Variants in ABCA13 observed in about 807,000 individuals in gnomAD.
The protein encoded by ABCA13 is ATP-binding cassette sub-family A member 13.
In ABCA13, 476 loss-of-function variants were observed where a neutral mutation model predicts 478.7. The ratio of observed to expected loss-of-function variants is 0.99; its 90% CI spans 0.92 to 1.07. The LOEUF (loss-of-function observed/expected upper bound fraction) is 1.07, where lower values mean the gene tolerates loss of function less well. ABCA13 is among the 50% of genes least tolerant of loss of function. ABCA13 has a pLI of 0.00. For synonymous variants in ABCA13, 2,252 were observed against 2,158.9 expected (o/e 1.04, Z -1.20); for missense variants, 6,060 against 5,910.6 (o/e 1.03, Z -0.83).
intron 55 of ABCA13, among the ~76,000 whole-genome samples, chr7:48,571,581 C>T (rs1032502614): frequency 2.0e-5 from 3 of 151,826 alleles, no homozygotes; most frequent in Admixed American, 6.6e-5. Context: ...TATTAACCTT[C>T]CTGGAGATTC....
At chr7:48,599,564 T>C (rs1167400146) in intron 58 of ABCA13, among the ~76,000 whole-genome samples, 1 of 152,138 alleles carries the variant, frequency 6.6e-6, no homozygotes, top group African/African-American at 2.4e-5. Flanking sequence ...GAAGTGCAAA[T>C]ATTTTAAATT....
At chr7:48,507,008 C>T (rs781216998) in intron 49 of ABCA13, among the ~76,000 whole-genome samples, 5 of 152,196 alleles carry the variant, frequency 3.3e-5, no homozygotes, top group Non-Finnish European at 5.9e-5. Context: ...AATTAAGTCG[C>T]AGAATGCAAA....
At chr7:48,637,465 T>C (rs907623468) in intron 59 of ABCA13, among the ~76,000 whole-genome samples, 1 of 146,924 alleles carries the variant, frequency 6.8e-6, no homozygotes, top group Non-Finnish European at 1.5e-5. Flanking sequence ...TCTTGGCCTC[T>C]CAAGGTGACT....
chr7:48,201,102 AG>A (rs1798634905), intron 3 of ABCA13, among the ~76,000 whole-genome samples: 1 of 152,220 alleles, frequency 6.6e-6, no homozygotes, highest in Non-Finnish European at 1.5e-5. Context: ...CTTTGTTCTT[AG>A]GGCAGATGGG....
Position 48,387,845 on chromosome 7 carries a change from T to C in ABCA13, c.11359T>C (p.Trp3787Arg), listed in dbSNP as rs1815422086. The change falls in exon 36 of 62, where the codon TGG becomes CGG. Residue 3787 changes from tryptophan (W) to arginine (R), a missense_variant. Physicochemically the swap from Trp to Arg is moderately radical, Grantham distance 101. This residue lies in a region of ABCA13 where 1,627 missense variants were observed against 1,571.0 expected (regional missense o/e 1.04). Coordinates refer to ENST00000435803, the MANE Select transcript of ABCA13 (RefSeq NM_152701.5). ...AGGAACATTTGGTTTACGGAAACCA[T>C]GGTATTTCCCCTTTACTGCCTCATA... ...IPGTFGLRKPWYFPFTASYWK... is the reference protein window; with the variant it reads ...IPGTFGLRKPRYFPFTASYWK... 1 of 1,592,862 alleles carries C rather than the reference T, an allele frequency of 6.3e-7. No individual in the cohort carries two copies. The highest frequency in any genetic ancestry group is 8.5e-7 in the Non-Finnish European group (1 of 1,173,730).
intron 55 of ABCA13, among the ~76,000 whole-genome samples, chr7:48,531,756 G>A (rs59872216): frequency 0.15 from 18,548 of 127,332 alleles, 1,600 homozygotes; most frequent in African/African-American, 0.23. Flanking sequence ...TTTTTTTTGC[G>A]GCTGTTGTAA....
Position 48,274,967 on chromosome 7 carries a change from A to G in ABCA13, c.5301A>G (p.Glu1767=), listed in dbSNP as rs1284367619. The change falls in exon 17 of 62, where the codon GAA becomes GAG. Residue 1767 remains glutamate, a synonymous_variant. Coordinates refer to ENST00000435803, the MANE Select transcript of ABCA13 (RefSeq NM_152701.5). ...LQGVPGKNIT[E]GLKDVYSFTL... is the part of the protein sequence containing the mutation. ...GAGTACCTGGTAAAAACATCACTGA[A>G]GGCCTCAAGGATGTCTACAGCTTCA... is the stretch of plus-strand genomic sequence containing the variant. 1 of 1,613,864 alleles carries G rather than the reference A, an allele frequency of 6.2e-7. No homozygotes were observed. The highest frequency in any genetic ancestry group is 1.7e-5 in the Admixed American group (1 of 60,010).
At chr7:48,193,103 A>G in intron 2 of ABCA13, 51 bp downstream of exon 2, 1 of 1,292,334 alleles carries the variant, frequency 7.7e-7, no homozygotes, top group Non-Finnish European at 1.1e-6. Context: ...GGAGAAAAAA[A>G]ACTCATAGCA....
intron 42 of ABCA13, among the ~76,000 whole-genome samples, chr7:48,438,730 G>A (rs550880726): frequency 1.3e-4 from 19 of 150,880 alleles, no homozygotes; most frequent in Non-Finnish European, 2.7e-4. Context: ...TCATTTTATC[G>A]CTCTCCTCTC....
At chr7:48,303,346 C>T (rs1800426976) in intron 23 of ABCA13, among the ~76,000 whole-genome samples, 2 of 152,112 alleles carry the variant, frequency 1.3e-5, no homozygotes, top group South Asian at 2.1e-4. Flanking sequence ...TTAATTAGGT[C>T]CCATTTTTCA....
At position 48,397,359 on chromosome 7, in the gene ABCA13, G is replaced by A. The variant is rs138559380; in HGVS notation, c.11873+5220G>A. On this transcript the variant is annotated intron_variant, in intron 38 of 61. Transcript: ENST00000435803. ...GCACAGCAAGTTCTGAACAAGATAA[G>A]CCAAATGAATGGTTTTTTTCTTACT... Among the ~76,000 whole-genome samples the A allele has an allele frequency of 9.2e-5, 14 of 151,960 alleles. No homozygotes were observed. The East Asian group carries it at 2.1e-3, about 23-fold the overall frequency.
intron 47 of ABCA13, among the ~76,000 whole-genome samples, chr7:48,483,491 C>T (rs1828986929): frequency 6.6e-6 from 1 of 152,204 alleles, no homozygotes; most frequent in Non-Finnish European, 1.5e-5. Context: ...AGGAGTACTT[C>T]CATTCATGAA....
chr7:48,385,264 GTTA>G (rs1399535886), intron 35 of ABCA13, among the ~76,000 whole-genome samples: 1 of 152,138 alleles, frequency 6.6e-6, no homozygotes, highest in African/African-American at 2.4e-5. Context: ...GTACCCATCA[GTTA>G]TTTTTTCTGA....
chr7:48,594,411 C>A (rs1232374998), intron 57 of ABCA13, among the ~76,000 whole-genome samples: 4 of 150,472 alleles, frequency 2.7e-5, no homozygotes, highest in African/African-American at 9.8e-5. Flanking sequence ...CTATTTGGTT[C>A]TTTTTTTTTA....
chr7:48,606,031 G>A (rs981561328), intron 58 of ABCA13, among the ~76,000 whole-genome samples: 2 of 152,046 alleles, frequency 1.3e-5, no homozygotes, highest in African/African-American at 2.4e-5. Context: ...CATGCTTCAC[G>A]AAGTTCTCTT....
At chr7:48,590,859 A>T (rs1035233224) in intron 57 of ABCA13, among the ~76,000 whole-genome samples, 1 of 152,016 alleles carries the variant, frequency 6.6e-6, no homozygotes, top group Non-Finnish European at 1.5e-5. Context: ...TACGACTTTC[A>T]TATATAGGAT....
At chr7:48,388,982 A>G in intron 36 of ABCA13, 58 bp from the exon 37 acceptor site, 1 of 1,542,176 alleles carries the variant, frequency 6.5e-7, no homozygotes, top group Non-Finnish European at 8.9e-7. Context: ...AATAAATATG[A>G]GCATTATTTT....
At chr7:48,600,980 T>C (rs1200671825) in intron 58 of ABCA13, among the ~76,000 whole-genome samples, 1 of 152,178 alleles carries the variant, frequency 6.6e-6, no homozygotes, top group Non-Finnish European at 1.5e-5. Flanking sequence ...ACTCTGATCT[T>C]ATCGCACAAG....
intron 23 of ABCA13, among the ~76,000 whole-genome samples, chr7:48,309,534 T>G (rs945971345): frequency 6.6e-6 from 1 of 152,142 alleles, no homozygotes; most frequent in Admixed American, 6.6e-5. Flanking sequence ...TTCACACTGA[T>G]GACGGTGAAA....
Sources: allele counts gnomAD v4.1 joint callset (sites outside exome capture counted in the v4.1 genomes callset), GRCh38; gene constraint gnomAD v4.1.1; regional missense constraint gnomAD v4.1.1; transcripts MANE v1.5; gene names NCBI Gene and HGNC (gene_info 2026-07-23, HGNC 2026-07-21).